The following SHISA9 variants were observed in gnomAD, a reference collection of about 807,000 sequenced individuals.
SHISA9 encodes the protein protein shisa-9.
SHISA9 carries 13 observed loss-of-function variants against 38.0 expected under a neutral mutation model. That is an observed-to-expected ratio of 0.34 (90% CI 0.22 to 0.54). The LOEUF is 0.54. Ranked by LOEUF, SHISA9 falls within the 20% of genes least tolerant of loss-of-function variation. SHISA9 has a pLI of 0.91. For missense variants in SHISA9, 538 were observed against 575.8 expected (o/e 0.93, Z 0.67); for synonymous variants, 275 against 242.0 (o/e 1.14, Z -1.27).
chr16:13,390,377 A>G, the SHISA9 span, among the ~76,000 whole-genome samples: 1 of 152,084 alleles, frequency 6.6e-6, no homozygotes, highest in Admixed American at 6.6e-5. Flanking sequence ...GGGCCTGTCT[A>G]TCTCGGCTCA....
At chr16:13,127,243 G>A (rs1169361613) in intron 2 of SHISA9, among the ~76,000 whole-genome samples, 2 of 137,670 alleles carry the variant, frequency 1.5e-5, no homozygotes, top group African/African-American at 5.5e-5. Context: ...AAGAATGAGT[G>A]AGGGAGAGAG....
intron 2 of SHISA9, among the ~76,000 whole-genome samples, chr16:12,988,576 G>A (rs902176351): frequency 2.0e-5 from 3 of 152,206 alleles, no homozygotes; most frequent in Admixed American, 2.0e-4. Context: ...CAAGGCTGGA[G>A]TGCAGTGGCG....
At chr16:13,505,204 C>T in the SHISA9 span, among the ~76,000 whole-genome samples, 1 of 152,212 alleles carries the variant, frequency 6.6e-6, no homozygotes, top group Admixed American at 6.5e-5. Context: ...ATAGATTGCA[C>T]CTTGCTGTGC....
At chr16:13,329,105 C>T in the SHISA9 span, among the ~76,000 whole-genome samples, 6 of 152,066 alleles carry the variant, frequency 3.9e-5, no homozygotes, top group Admixed American at 6.5e-5. Flanking sequence ...GACAACATGA[C>T]GCTGGCCAGG....
At chr16:13,178,490 G>C (rs59758686) in intron 2 of SHISA9, among the ~76,000 whole-genome samples, 1 of 152,156 alleles carries the variant, frequency 6.6e-6, no homozygotes, top group Non-Finnish European at 1.5e-5. Context: ...CGACACAGCA[G>C]ATGGAGCTGG....
intron 2 of SHISA9, among the ~76,000 whole-genome samples, chr16:13,120,109 G>C (rs1298148226): frequency 6.6e-6 from 1 of 152,126 alleles, no homozygotes; most frequent in African/African-American, 2.4e-5. Context: ...CGAGAGGAAG[G>C]GGACAGATAG....
chr16:13,251,061 G>A, the SHISA9 span, among the ~76,000 whole-genome samples: 2 of 152,100 alleles, frequency 1.3e-5, no homozygotes, highest in Non-Finnish European at 2.9e-5. Flanking sequence ...TCACCTGCAC[G>A]ATAGGGTTCT....
At chr16:13,561,879 A>C in the SHISA9 span, among the ~76,000 whole-genome samples, 1 of 152,068 alleles carries the variant, frequency 6.6e-6, no homozygotes, top group South Asian at 2.1e-4. Context: ...GAAAAAAAAA[A>C]GCAAAAGACA....
intron 2 of SHISA9, among the ~76,000 whole-genome samples, chr16:13,194,675 T>G (rs1294728942): frequency 6.6e-6 from 1 of 152,268 alleles, no homozygotes; most frequent in African/African-American, 2.4e-5. Flanking sequence ...TACCCAGGCA[T>G]ATGGAAGTCA....
chr16:13,458,872 T>G, the SHISA9 span, among the ~76,000 whole-genome samples: 1 of 152,120 alleles, frequency 6.6e-6, no homozygotes, highest in South Asian at 2.1e-4. Context: ...TTTTTGTTTT[T>G]TGTTTTTTTT....
intron 2 of SHISA9, among the ~76,000 whole-genome samples, chr16:13,198,631 A>G (rs1306812376): frequency 6.6e-6 from 1 of 152,202 alleles, no homozygotes; most frequent in Non-Finnish European, 1.5e-5. Flanking sequence ...AAAACTCACA[A>G]AGCAACTGGG....
chr16:13,073,957 GTTTTTTTTTTTGTT>G (rs1314697996), intron 2 of SHISA9, among the ~76,000 whole-genome samples: 1 of 103,858 alleles, frequency 9.6e-6, no homozygotes, highest in Non-Finnish European at 2.1e-5. Flanking sequence ...TCTGCTGGTC[GTTTTTTTTTTTGTT>G]TTTTTTTTTT....
At chr16:13,540,544 A>AT in the SHISA9 span, among the ~76,000 whole-genome samples, 1 of 152,172 alleles carries the variant, frequency 6.6e-6, no homozygotes, top group Non-Finnish European at 1.5e-5. Flanking sequence ...TATAAAATAT[A>AT]TACTTTATTT....
At chr16:12,970,739 G>C (rs906971318) in intron 2 of SHISA9, among the ~76,000 whole-genome samples, 1 of 151,036 alleles carries the variant, frequency 6.6e-6, no homozygotes, top group African/African-American at 2.4e-5. Context: ...GGCCAGGCTG[G>C]TCTCAAACTC....
At chr16:13,033,500 A>T (rs1361645316) in intron 2 of SHISA9, among the ~76,000 whole-genome samples, 2 of 152,192 alleles carry the variant, frequency 1.3e-5, no homozygotes, top group African/African-American at 4.8e-5. Context: ...TAATCATAGT[A>T]GTAGCTGCCA....
chr16:12,945,503 A>G (rs2071676453), intron 2 of SHISA9, among the ~76,000 whole-genome samples: 1 of 152,324 alleles, frequency 6.6e-6, no homozygotes, highest in African/African-American at 2.4e-5. Flanking sequence ...AAGTACAGGG[A>G]AAAAATCCTT....
At chr16:13,444,441 GAGGAAACAAGGAAGGAAGGAAGGA>G in the SHISA9 span, among the ~76,000 whole-genome samples, 2 of 146,696 alleles carry the variant, frequency 1.4e-5, no homozygotes, top group East Asian at 3.9e-4. Flanking sequence ...GGAAGGAAGG[GAGGAAACAAGGAAGGAAGGAAGGA>G]AGGAAAGAAG....
At chr16:13,148,059 G>T (rs1457844105) in intron 2 of SHISA9, among the ~76,000 whole-genome samples, 1 of 151,962 alleles carries the variant, frequency 6.6e-6, no homozygotes, top group Non-Finnish European at 1.5e-5. Context: ...ATTGGGGAGG[G>T]GTGCTCAGGA....
At chr16:13,018,146 C>G (rs1316379489) in intron 2 of SHISA9, among the ~76,000 whole-genome samples, 2 of 152,218 alleles carry the variant, frequency 1.3e-5, no homozygotes, top group African/African-American at 2.4e-5. Context: ...AGCTGTTCTT[C>G]TCCCTCCTAA....
Sources: allele counts gnomAD v4.1 joint callset (sites outside exome capture counted in the v4.1 genomes callset), GRCh38; gene constraint gnomAD v4.1.1; transcripts MANE v1.5; gene names NCBI Gene and HGNC (gene_info 2026-07-23, HGNC 2026-07-21).